Variants in TLN2 observed in about 807,000 individuals in gnomAD.
The protein encoded by TLN2 is talin 2.
A neutral mutation model predicts 294.7 loss-of-function variants in TLN2; 118 were observed. That is an observed-to-expected ratio of 0.40 (90% CI 0.34 to 0.47). The LOEUF (loss-of-function observed/expected upper bound fraction) is 0.47, where lower values mean the gene tolerates loss of function less well. TLN2 is among the 20% of genes least tolerant of loss of function. The pLI, the probability that TLN2 is intolerant of heterozygous loss-of-function variation, is 0.84. For synonymous variants in TLN2, 1,431 were observed against 1,304.5 expected (o/e 1.10, Z -2.09); for missense variants, 3,083 against 3,282.2 (o/e 0.94, Z 1.48).
intron 15 of TLN2, among the ~76,000 whole-genome samples, chr15:62,698,363 G>A (rs2058498302): frequency 6.6e-6 from 1 of 152,184 alleles, no homozygotes; most frequent in Non-Finnish European, 1.5e-5. Flanking sequence ...CGTAGATTTA[G>A]ATGGAGTCCT....
At position 62,521,459 on chromosome 15, in the gene TLN2, T is replaced by C. The variant is rs572954990; in HGVS notation, c.-237-68228T>C. Among the ~76,000 whole-genome samples the C allele has an allele frequency of 2.7e-5, 4 of 148,500 alleles. No homozygotes were observed. The East Asian group carries it at 9.9e-4, about 37-fold the overall frequency. ...AAAGTGTGCCTGAGGCAGTGGAGTTTAGGGAGACAGTTGGGGGGCAAGTTA... is the reference window on the plus strand; with the variant it reads ...AAAGTGTGCCTGAGGCAGTGGAGTTCAGGGAGACAGTTGGGGGGCAAGTTA... On this transcript the variant is annotated intron_variant, in intron 1 of 58. Coordinates refer to ENST00000636159, the MANE Select transcript of TLN2 (RefSeq NM_015059.3).
At chr15:62,617,480 G>A (rs887064511) in intron 2 of TLN2, among the ~76,000 whole-genome samples, 1 of 152,178 alleles carries the variant, frequency 6.6e-6, no homozygotes, top group Admixed American at 6.5e-5. Flanking sequence ...TTTATAGGGA[G>A]CTATTAGCAG....
intron 1 of TLN2, among the ~76,000 whole-genome samples, chr15:62,549,688 G>C (rs2042190430): frequency 6.6e-6 from 1 of 152,192 alleles, no homozygotes; most frequent in South Asian, 2.1e-4. Flanking sequence ...TGGAAGTTTA[G>C]AGAAGAGTGG....
At chr15:62,615,413 C>G (rs2048234534) in intron 2 of TLN2, among the ~76,000 whole-genome samples, 2 of 152,180 alleles carry the variant, frequency 1.3e-5, no homozygotes, top group African/African-American at 4.8e-5. Context: ...AGCAGGCCTA[C>G]CATGTAATGG....
At chr15:62,654,754 CAAAAAA>C (rs59006343) in intron 7 of TLN2, among the ~76,000 whole-genome samples, 40 of 33,856 alleles carry the variant, frequency 1.2e-3, no homozygotes, top group African/African-American at 7.1e-4. Context: ...GACTCTGCCT[CAAAAAA>C]AAAAAAAAAA....
intron 1 of TLN2, among the ~76,000 whole-genome samples, chr15:62,520,276 T>C (rs567740967): frequency 6.6e-6 from 1 of 152,380 alleles, no homozygotes; most frequent in Admixed American, 6.5e-5. Context: ...TCTCTGGGGA[T>C]CTGAAGTCTT....
Position 62,540,270 on chromosome 15 carries a change from G to A in TLN2, c.-237-49417G>A, listed in dbSNP as rs141100145. ...CAGGAGAATCGCTTGAACCCGGAAG[G>A]CAGAGGTTGCAGTGAGCCAAGATCG... On this transcript the variant is annotated intron_variant, in intron 1 of 58. Transcript: ENST00000636159. Among the ~76,000 whole-genome samples the A allele has an allele frequency of 9.3e-3, 1,421 of 152,186 alleles. 16 individuals carry two copies. The highest frequency in any genetic ancestry group is 0.033 in the African/African-American group (1,372 of 41,500).
At chr15:62,463,606 G>C (rs939248263) in intron 1 of TLN2, among the ~76,000 whole-genome samples, 1 of 152,168 alleles carries the variant, frequency 6.6e-6, no homozygotes, top group African/African-American at 2.4e-5. Flanking sequence ...CAGGAAACAG[G>C]CCGGCGCGGT....
At chr15:62,562,328 G>A (rs2043034580) in intron 1 of TLN2, among the ~76,000 whole-genome samples, 1 of 152,090 alleles carries the variant, frequency 6.6e-6, no homozygotes. Context: ...GCAAGGCATC[G>A]TGGGACAGTT....
At chr15:62,668,268 A>G (rs1230688187) in intron 9 of TLN2, among the ~76,000 whole-genome samples, 1 of 152,244 alleles carries the variant, frequency 6.6e-6, no homozygotes, top group East Asian at 1.9e-4. Context: ...TGATGGTTAC[A>G]TTAATTTGCT....
At chr15:62,584,751 C>T (rs1357696613) in intron 1 of TLN2, among the ~76,000 whole-genome samples, 1 of 152,198 alleles carries the variant, frequency 6.6e-6, no homozygotes, top group Non-Finnish European at 1.5e-5. Context: ...CGGCTTCTCC[C>T]ATGTCTGTGT....
At chr15:62,571,665 AGCT>A (rs1237410879) in intron 1 of TLN2, among the ~76,000 whole-genome samples, 2 of 152,200 alleles carry the variant, frequency 1.3e-5, no homozygotes, top group African/African-American at 4.8e-5. Context: ...CCCATGTACC[AGCT>A]TATCTCCAAT....
At chr15:62,524,480 A>G (rs1216328814) in intron 1 of TLN2, among the ~76,000 whole-genome samples, 3 of 152,178 alleles carry the variant, frequency 2.0e-5, no homozygotes, top group Non-Finnish European at 4.4e-5. Context: ...CTCAGAAGCA[A>G]GCGAGACTGT....
chr15:62,755,779 C>T, intron 37 of TLN2, 86 bp downstream of exon 37: 2 of 1,512,932 alleles, frequency 1.3e-6, no homozygotes, highest in East Asian at 2.3e-5. Flanking sequence ...CTCCACTCCT[C>T]TCCTTGTCTA....
chr15:62,699,663 C>T lies in TLN2; in HGVS notation c.1587+796C>T, dbSNP rs183537539. Among the ~76,000 whole-genome samples the T allele has an allele frequency of 9.2e-5, 14 of 152,264 alleles. No individual in the cohort carries two copies. The East Asian group carries it at 2.7e-3, about 29-fold the overall frequency. ...AAGAGGTGCAGAATCTTGGGCCTTCCCCAGCCTACTCAAACAGAATCTGCA... is the reference window on the plus strand; with the variant it reads ...AAGAGGTGCAGAATCTTGGGCCTTCTCCAGCCTACTCAAACAGAATCTGCA... On this transcript the variant is annotated intron_variant, in intron 16 of 58. Coordinates refer to ENST00000636159, the MANE Select transcript of TLN2 (RefSeq NM_015059.3).
At chr15:62,755,383 A>C in intron 36 of TLN2, 149 bp from the exon 37 acceptor site, 1 of 920,904 alleles carries the variant, frequency 1.1e-6, no homozygotes, top group Admixed American at 3.3e-5. Context: ...TCTTTCTTGG[A>C]GTGACTTTGA....
At chr15:62,678,501 C>T (rs924686416) in intron 11 of TLN2, among the ~76,000 whole-genome samples, 1 of 152,210 alleles carries the variant, frequency 6.6e-6, no homozygotes, top group Non-Finnish European at 1.5e-5. Context: ...TATCAAACCT[C>T]TCATTAGTAT....
chr15:62,612,982 A>G (rs1440929630), intron 2 of TLN2, among the ~76,000 whole-genome samples: 2 of 152,230 alleles, frequency 1.3e-5, no homozygotes, highest in African/African-American at 2.4e-5. Context: ...AACAGCATTT[A>G]GGAATGTATA....
At chr15:62,416,805 G>C (rs2034113121) in intron 1 of TLN2, among the ~76,000 whole-genome samples, 1 of 152,084 alleles carries the variant, frequency 6.6e-6, no homozygotes, top group African/African-American at 2.4e-5. Context: ...AGAAGACCGG[G>C]CTCTGCCTGC....
Sources: gnomAD v4.1 joint callset for allele counts (sites outside exome capture counted in the v4.1 genomes callset) on GRCh38, gnomAD v4.1.1 for gene constraint, MANE v1.5 for transcripts, NCBI Gene and HGNC (gene_info 2026-07-23, HGNC 2026-07-21) for gene names.